PDS5B: variants seen among roughly 807,000 people sequenced by gnomAD.
The protein encoded by PDS5B is sister chromatid cohesion protein PDS5 homolog B.
Under a neutral mutation model 184.1 loss-of-function variants are expected in PDS5B, and 51 were observed. That is an observed-to-expected ratio of 0.28 (90% CI 0.22 to 0.35). The LOEUF is 0.35. Among genes scored for constraint, PDS5B ranks in the 10% least tolerant of loss-of-function variants. The pLI is 1.00. For missense variants in PDS5B, 1,180 were observed against 1,723.3 expected (o/e 0.68, Z 5.58); for synonymous variants, 566 against 569.2 (o/e 0.99, Z 0.08).
Position 32,764,551 on chromosome 13 carries a change from C to T in PDS5B, c.3581C>T (p.Pro1194Leu), listed in dbSNP as rs375525966. The T allele has an allele frequency of 5.4e-5, 86 of 1,604,688 alleles. No homozygotes were observed. Among genetic ancestry groups the T allele is most frequent in the Admixed American group, 2.4e-4 (14 of 59,234 alleles). ...NEDYTMSSPL[P>L]GKKSDKRDDS... ...GATTACACAATGTCTTCACCTTTGCCGGGGAAAAAAAGTGACAAGAGAGAC... is the reference window on the plus strand; with the variant it reads ...GATTACACAATGTCTTCACCTTTGCTGGGGAAAAAAAGTGACAAGAGAGAC... Residue 1194 changes from proline to leucine, a missense_variant, in exon 31 of 35, where the codon CCG becomes CTG. Physicochemically the swap from Pro to Leu is moderately conservative, Grantham distance 98. Around this residue, in one of 11 missense-constraint regions of PDS5B, gnomAD observed 465 missense variants for 497.8 expected, o/e 0.93. Coordinates refer to ENST00000315596, the MANE Select transcript of PDS5B (RefSeq NM_015032.4).
At chr13:32,671,147 T>A (rs1221400202) in intron 7 of PDS5B, among the ~76,000 whole-genome samples, 3 of 152,236 alleles carry the variant, frequency 2.0e-5, no homozygotes, top group Admixed American at 1.3e-4. Context: ...TTTATTCATT[T>A]ACCAAACATA....
At chr13:32,750,036 C>T (rs1221339477) in intron 24 of PDS5B, among the ~76,000 whole-genome samples, 3 of 152,112 alleles carry the variant, frequency 2.0e-5, no homozygotes, top group African/African-American at 7.2e-5. Flanking sequence ...TTCCTCAGTT[C>T]CCAGTAGCGC....
chr13:32,587,640 C>T (rs968073729), intron 1 of PDS5B, among the ~76,000 whole-genome samples: 1 of 152,178 alleles, frequency 6.6e-6, no homozygotes, highest in South Asian at 2.1e-4. Flanking sequence ...TTCCTTGCCG[C>T]GGACGGGGCG....
At chr13:32,648,669 G>A (rs988215895) in intron 1 of PDS5B, 85 bp from the exon 2 acceptor site, 5 of 614,776 alleles carry the variant, frequency 8.1e-6, no homozygotes, top group African/African-American at 5.6e-5. Flanking sequence ...ACAAATTTTG[G>A]TTGGTGGGGA....
At chr13:32,655,367 TA>T in intron 3 of PDS5B, among the ~76,000 whole-genome samples, 1 of 39,178 alleles carries the variant, frequency 2.6e-5, no homozygotes, top group African/African-American at 1.0e-4. Context: ...GCCATATATA[TA>T]TATATATTTT....
intron 7 of PDS5B, among the ~76,000 whole-genome samples, chr13:32,668,822 A>G (rs1950864252): frequency 6.6e-6 from 1 of 152,212 alleles, no homozygotes; most frequent in Non-Finnish European, 1.5e-5. Flanking sequence ...TATCATGAAA[A>G]GATGTACTTT....
chr13:32,717,086 C>T (rs1338399203), intron 19 of PDS5B, among the ~76,000 whole-genome samples: 3 of 151,434 alleles, frequency 2.0e-5, no homozygotes, highest in Non-Finnish European at 4.4e-5. Flanking sequence ...AGCCCCCCGC[C>T]CGGCCAGCCG....
intron 19 of PDS5B, among the ~76,000 whole-genome samples, chr13:32,714,312 G>A (rs964580423): frequency 6.6e-6 from 1 of 151,908 alleles, no homozygotes; most frequent in African/African-American, 2.4e-5. Context: ...TATTAGGCGG[G>A]AATTTCCTCT....
In PDS5B at chr13:32,715,793, C is replaced by T. The variant is rs935030698; in HGVS notation, c.2123+5687C>T. Among the ~76,000 whole-genome samples the T allele has an allele frequency of 4.0e-5, 6 of 150,432 alleles. No homozygotes were observed. In the East Asian group the frequency reaches 5.8e-4, roughly 15 times the overall value. On this transcript the variant is annotated intron_variant, in intron 19 of 34. Coordinates refer to ENST00000315596, the MANE Select transcript of PDS5B (RefSeq NM_015032.4). ...CCTGCCTCAGCCTGCCGAGTGCCTG[C>T]GATTGCAGGTGCGCGCCGCCACGCC...
At chr13:32,716,727 C>T (rs1952442036) in intron 19 of PDS5B, among the ~76,000 whole-genome samples, 1 of 133,798 alleles carries the variant, frequency 7.5e-6, no homozygotes, top group Non-Finnish European at 1.7e-5. Context: ...CGCTTTTGCC[C>T]AGCCGCCCCT....
At chr13:32,595,621 G>T (rs2057853533) in intron 1 of PDS5B, among the ~76,000 whole-genome samples, 1 of 152,158 alleles carries the variant, frequency 6.6e-6, no homozygotes, top group South Asian at 2.1e-4. Context: ...GAAGAGTTAG[G>T]TATTGGAAAA....
chr13:32,737,529 C>G (rs777968241), intron 21 of PDS5B, among the ~76,000 whole-genome samples: 3 of 152,170 alleles, frequency 2.0e-5, no homozygotes, highest in Admixed American at 6.5e-5. Context: ...TCTTTGCTTT[C>G]CCTCCTTATT....
At chr13:32,695,954 G>A (rs1200500482) in intron 14 of PDS5B, among the ~76,000 whole-genome samples, 1 of 152,030 alleles carries the variant, frequency 6.6e-6, no homozygotes, top group Non-Finnish European at 1.5e-5. Flanking sequence ...TGATGGTTTT[G>A]AAAAAGTAAC....
intron 18 of PDS5B, among the ~76,000 whole-genome samples, chr13:32,707,369 T>C (rs1952058726): frequency 6.6e-6 from 1 of 151,912 alleles, no homozygotes; most frequent in Admixed American, 6.6e-5. Context: ...TTTCATAAAA[T>C]ATTCTGTCTT....
At chr13:32,663,831 T>C (rs1950715379) in intron 6 of PDS5B, among the ~76,000 whole-genome samples, 1 of 152,218 alleles carries the variant, frequency 6.6e-6, no homozygotes, top group South Asian at 2.1e-4. Context: ...GAAGTGTACA[T>C]TGTACCCAAT....
At chr13:32,673,857 C>T (rs1179416628) in intron 8 of PDS5B, among the ~76,000 whole-genome samples, 3 of 151,048 alleles carry the variant, frequency 2.0e-5, no homozygotes, top group African/African-American at 7.3e-5. Context: ...GTTTTGTTGC[C>T]CAGGCTGGAG....
chr13:32,628,024 C>T (rs2058395747), intron 1 of PDS5B, among the ~76,000 whole-genome samples: 1 of 152,092 alleles, frequency 6.6e-6, no homozygotes, highest in East Asian at 1.9e-4. Context: ...AGATCTGTTG[C>T]CCAATCTTTA....
intron 31 of PDS5B, among the ~76,000 whole-genome samples, chr13:32,768,947 C>CA (rs770324221): frequency 0.055 from 4,686 of 84,466 alleles, 122 homozygotes; most frequent in South Asian, 0.11. Flanking sequence ...TAAAAAAATA[C>CA]AAAAAAAAAA....
At chr13:32,765,763 G>A (rs559816449) in intron 31 of PDS5B, among the ~76,000 whole-genome samples, 3 of 152,084 alleles carry the variant, frequency 2.0e-5, no homozygotes, top group South Asian at 2.1e-4. Context: ...GCCAGCATGC[G>A]TAGCCAATTT....
Sources: gnomAD v4.1 joint callset for allele counts (sites outside exome capture counted in the v4.1 genomes callset) on GRCh38, gnomAD v4.1.1 for gene constraint, gnomAD v4.1.1 regional missense constraint, MANE v1.5 for transcripts, NCBI Gene and HGNC (gene_info 2026-07-23, HGNC 2026-07-21) for gene names.